Variants in PACS1 observed in about 807,000 individuals in gnomAD.
The protein encoded by PACS1 is PACS-1.
In PACS1, 24 loss-of-function variants were observed where a neutral mutation model predicts 115.0. The observed-to-expected ratio is 0.21, with a 90% CI of 0.15 to 0.29. The LOEUF is 0.29. Among genes scored for constraint, PACS1 ranks in the 10% least tolerant of loss-of-function variants. PACS1 has a pLI of 1.00. For synonymous variants in PACS1, 453 were observed against 504.5 expected (o/e 0.90, Z 1.37); for missense variants, 838 against 1,251.2 (o/e 0.67, Z 4.98).
In PACS1 at chr11:66,220,485, G is replaced by A. The variant is rs1444783862; in HGVS notation, c.1039-146G>A. 5.5e-6 allele frequency: 4 copies of A among 729,668 alleles called. No homozygotes were observed. In the Admixed American group the frequency reaches 1.1e-4, roughly 20 times the overall value. 45.2% of individuals were successfully genotyped at this position (729,668 alleles called of 1,614,324 possible). On this transcript the variant is annotated intron_variant, in intron 8 of 23. Coordinates refer to ENST00000320580, the MANE Select transcript of PACS1 (RefSeq NM_018026.4). Reference sequence around the variant, plus strand: ...CGCCCTCAGGCTGGATCATGGAAATGACGTGAAGGTTACTCCAGCCAGTGT... The same window carrying A: ...CGCCCTCAGGCTGGATCATGGAAATAACGTGAAGGTTACTCCAGCCAGTGT...
chr11:66,208,983 A>C (rs939634467), intron 2 of PACS1, among the ~76,000 whole-genome samples: 1 of 151,988 alleles, frequency 6.6e-6, no homozygotes, highest in Non-Finnish European at 1.5e-5. Flanking sequence ...TTTTAGACAA[A>C]TTTATTCAAC....
At chr11:66,135,782 G>A (rs1469626674) in intron 1 of PACS1, among the ~76,000 whole-genome samples, 1 of 151,488 alleles carries the variant, frequency 6.6e-6, no homozygotes, top group East Asian at 1.9e-4. Context: ...TCAGCCTCCC[G>A]AGTAGCTGGG....
intron 1 of PACS1, among the ~76,000 whole-genome samples, chr11:66,187,978 A>T (rs1854423345): frequency 6.6e-6 from 1 of 151,898 alleles, no homozygotes; most frequent in South Asian, 2.1e-4. Context: ...AGCATTTGTT[A>T]TTTTTTGTCT....
At chr11:66,238,695 T>A (rs547255277) in intron 19 of PACS1, 109 bp from the exon 20 acceptor site, 480 of 1,039,972 alleles carry the variant, frequency 4.6e-4, no homozygotes, top group Non-Finnish European at 6.4e-4. Context: ...AAGTCGGCAA[T>A]AAAATAATGT....
At chr11:66,126,505 A>T (rs1015273809) in intron 1 of PACS1, among the ~76,000 whole-genome samples, 6 of 152,204 alleles carry the variant, frequency 3.9e-5, no homozygotes, top group Non-Finnish European at 8.8e-5. Flanking sequence ...TAGAAAATGA[A>T]TTTAAATTAC....
At chr11:66,078,798 C>T (rs1045424087) in intron 1 of PACS1, among the ~76,000 whole-genome samples, 8 of 152,380 alleles carry the variant, frequency 5.3e-5, no homozygotes, top group African/African-American at 1.9e-4. Context: ...AAGCAATCCT[C>T]CCGCCTCAGC....
chr11:66,120,942 G>T, intron 1 of PACS1: 1 of 451,750 alleles, frequency 2.2e-6, no homozygotes, highest in South Asian at 1.6e-5. Flanking sequence ...CAGGGCCTGT[G>T]CACGCCTCTC....
chr11:66,148,385 G>A (rs373971245), intron 1 of PACS1, among the ~76,000 whole-genome samples: 8 of 152,236 alleles, frequency 5.3e-5, no homozygotes, highest in East Asian at 3.9e-4. Context: ...GGCCTCAAAT[G>A]ATCCTCTTGC....
At chr11:66,101,824 G>A (rs1239121618) in intron 1 of PACS1, among the ~76,000 whole-genome samples, 1 of 152,186 alleles carries the variant, frequency 6.6e-6, no homozygotes, top group African/African-American at 2.4e-5. Context: ...ACGGTTACTG[G>A]GGGGAGAGCT....
chr11:66,140,920 G>A (rs879790742), intron 1 of PACS1, among the ~76,000 whole-genome samples: 2 of 151,698 alleles, frequency 1.3e-5, no homozygotes, highest in Non-Finnish European at 2.9e-5. Flanking sequence ...GCTTTTTTTG[G>A]TTTTCTTTCT....
rs201389866 is a variant in PACS1, at chr11:66,235,857, C to A, written c.2208-41C>A. 1.3e-6 allele frequency: 2 copies of A among 1,564,020 alleles called. No homozygotes were observed. Among genetic ancestry groups the A allele is most frequent in the South Asian group, 1.1e-5 (1 of 90,116 alleles). On this transcript the variant is annotated intron_variant, in intron 18 of 23. Transcript: ENST00000320580. This position sits in a 1 kb window ranked among gnomAD's most constrained non-coding sequence, Gnocchi z 5.6. ...CCAATTCCCCAGCACTCCTCCCTGT[C>A]TCTCCTACTAACTATGAAGCTCTCC...
chr11:66,164,674 C>T (rs1284644312), intron 1 of PACS1, among the ~76,000 whole-genome samples: 1 of 130,790 alleles, frequency 7.6e-6, no homozygotes, highest in Non-Finnish European at 1.6e-5. Context: ...GTCTTGAACT[C>T]CTGAGCTCAA....
At chr11:66,199,049 C>CT (rs1854713105) in intron 2 of PACS1, among the ~76,000 whole-genome samples, 1 of 152,204 alleles carries the variant, frequency 6.6e-6, no homozygotes, top group South Asian at 2.1e-4. Context: ...GGCGTGGTGG[C>CT]TCACGCCTAT....
intron 13 of PACS1, chr11:66,231,807 C>T: frequency 4.3e-6 from 1 of 234,718 alleles, no homozygotes; most frequent in Non-Finnish European, 8.5e-6. Context: ...TTTCTCTGAG[C>T]ACCTGCTGGC....
At chr11:66,099,761 G>C (rs1447303062) in intron 1 of PACS1, among the ~76,000 whole-genome samples, 3 of 151,594 alleles carry the variant, frequency 2.0e-5, no homozygotes. Flanking sequence ...ATTCAGGCTG[G>C]TCTTGAACTC....
chr11:66,227,731 A>T, intron 11 of PACS1, 147 bp downstream of exon 11: 1 of 559,518 alleles, frequency 1.8e-6, no homozygotes, highest in Admixed American at 3.6e-5. Context: ...TTCTCCTGAA[A>T]TCCTTACCCG....
Position 66,070,588 on chromosome 11 carries a change from G to A in PACS1, c.102G>A (p.Pro34=), listed in dbSNP as rs75352646. ...CCCAGTCCCCTCAGCAGCCGCCGCCGCAGCAGCAGCAGCAGCAGCCGCCGC... is the reference window on the plus strand; with the variant it reads ...CCCAGTCCCCTCAGCAGCCGCCGCCACAGCAGCAGCAGCAGCAGCCGCCGC... ...GVAQSPQQPP[P]QQQQQQPPQQ... Residue 34 remains proline, a synonymous_variant, in exon 1 of 24, where the codon CCG becomes CCA. Coordinates refer to ENST00000320580, the MANE Select transcript of PACS1 (RefSeq NM_018026.4). The surrounding 1 kb of genome is among the most constrained non-coding windows in gnomAD (Gnocchi z 5.9). The A allele has an allele frequency of 2.6e-3, 3,803 of 1,443,956 alleles. 68 individuals carry two copies. The African/African-American group carries it at 0.049, about 19-fold the overall frequency. 89.4% of individuals were successfully genotyped at this position (1,443,956 alleles called of 1,614,324 possible). A position where few individuals can be genotyped will look rare whatever the true frequency, so the allele number is the denominator to read the frequency against.
intron 1 of PACS1, among the ~76,000 whole-genome samples, chr11:66,149,090 C>CTT (rs10717909): frequency 4.0e-4 from 39 of 98,112 alleles, no homozygotes; most frequent in Non-Finnish European, 5.9e-4. Flanking sequence ...TGCACACGCA[C>CTT]TTTTTTTTTT....
At chr11:66,177,500 A>G (rs1859894825) in intron 1 of PACS1, among the ~76,000 whole-genome samples, 1 of 151,948 alleles carries the variant, frequency 6.6e-6, no homozygotes, top group Non-Finnish European at 1.5e-5. Context: ...CAAAATAGAT[A>G]ATTTCTGTAT....
Sources: allele counts gnomAD v4.1 joint callset (sites outside exome capture counted in the v4.1 genomes callset), GRCh38; gene constraint gnomAD v4.1.1; non-coding constraint Gnocchi (gnomAD v3.1); transcripts MANE v1.5; gene names NCBI Gene and HGNC (gene_info 2026-07-23, HGNC 2026-07-21).